STAP1: variants seen among roughly 807,000 people sequenced by gnomAD.
STAP1 encodes the protein signal-transducing adaptor protein 1.
In STAP1, 30 loss-of-function variants were observed where a neutral mutation model predicts 37.8. That is an observed-to-expected ratio of 0.79 (90% confidence interval 0.59 to 1.08). STAP1 has a LOEUF of 1.08. STAP1 is among the 50% of genes least tolerant of loss of function. The probability of loss-of-function intolerance (pLI) is 0.00; values close to 1 mark genes in which losing one functional copy is unlikely to be tolerated. For missense variants in STAP1, 357 were observed against 349.4 expected (o/e 1.02, Z -0.17); for synonymous variants, 130 against 116.0 (o/e 1.12, Z -0.78).
intron 2 of STAP1, among the ~76,000 whole-genome samples, chr4:67,574,505 G>T (rs1276395704): frequency 6.6e-6 from 1 of 152,110 alleles, no homozygotes; most frequent in Non-Finnish European, 1.5e-5. Context: ...TTAGATAATA[G>T]TTTTTGAATT....
intron 1 of STAP1, among the ~76,000 whole-genome samples, chr4:67,559,511 A>G (rs751870325): frequency 7.7e-4 from 117 of 152,140 alleles, no homozygotes; most frequent in Non-Finnish European, 1.3e-3. Context: ...GTGGGTATTA[A>G]GTACACTAAG....
chr4:67,589,514 A>G (rs1728076232), intron 6 of STAP1, among the ~76,000 whole-genome samples: 1 of 152,208 alleles, frequency 6.6e-6, no homozygotes, highest in Non-Finnish European at 1.5e-5. Flanking sequence ...TAAAAAAAGA[A>G]GGTAGAAAGA....
chr4:67,577,333 G>C, intron 4 of STAP1, 74 bp downstream of exon 4: 2 of 1,370,572 alleles, frequency 1.5e-6, no homozygotes, highest in Non-Finnish European at 1.0e-6. Flanking sequence ...TATGATCCAT[G>C]CAGAGTGAAA....
At chr4:67,573,342 G>T (rs1727646959) in intron 2 of STAP1, among the ~76,000 whole-genome samples, 1 of 152,216 alleles carries the variant, frequency 6.6e-6, no homozygotes, top group African/African-American at 2.4e-5. Flanking sequence ...TACCCTGGCA[G>T]AGATGCCATC....
chr4:67,577,908 G>A (rs145853815), intron 4 of STAP1, among the ~76,000 whole-genome samples: 34 of 152,068 alleles, frequency 2.2e-4, no homozygotes, highest in East Asian at 1.2e-3. Context: ...CTCGGCCTCC[G>A]AAAGTGCTGG....
At chr4:67,605,975 C>G (rs1186108410) in intron 8 of STAP1, among the ~76,000 whole-genome samples, 1 of 151,940 alleles carries the variant, frequency 6.6e-6, no homozygotes, top group Non-Finnish European at 1.5e-5. Context: ...CACCAGAAGA[C>G]AAGAGCAATA....
At chr4:67,582,891 ATGTAAG>A (rs1338327075) in intron 5 of STAP1, among the ~76,000 whole-genome samples, 1 of 152,320 alleles carries the variant, frequency 6.6e-6, no homozygotes, top group East Asian at 1.9e-4. Flanking sequence ...CAATAGGCTA[ATGTAAG>A]TGTTCTAAGC....
chr4:67,589,802 G>A (rs563950798), intron 6 of STAP1, among the ~76,000 whole-genome samples: 15 of 144,950 alleles, frequency 1.0e-4, no homozygotes, highest in Admixed American at 8.9e-4. Flanking sequence ...TGAGGTGGGG[G>A]ATCCTAATTT....
At chr4:67,568,709 C>G (rs931923376) in intron 1 of STAP1, among the ~76,000 whole-genome samples, 1 of 152,186 alleles carries the variant, frequency 6.6e-6, no homozygotes, top group East Asian at 1.9e-4. Context: ...CAATTTCTCA[C>G]ATTTTCTTGA....
rs1295883093 is a variant in STAP1 at position 67,566,357 on chromosome 4, A to C, written c.121-4727A>C. Among the ~76,000 whole-genome samples the C allele has an allele frequency of 2.0e-5, 3 of 152,192 alleles. No individual in the cohort carries two copies. In the East Asian group the frequency reaches 5.8e-4, roughly 29 times the overall value. Reference sequence around the variant, plus strand: ...TCACACAAATGAAGATCAGTTAGTTACTTTTATTATTGACAAATTATCAAT... The same window carrying C: ...TCACACAAATGAAGATCAGTTAGTTCCTTTTATTATTGACAAATTATCAAT... On this transcript the variant is annotated intron_variant, in intron 1 of 8. Coordinates refer to ENST00000265404, the MANE Select transcript of STAP1 (RefSeq NM_012108.4).
At chr4:67,567,585 C>T (rs772093374) in intron 1 of STAP1, among the ~76,000 whole-genome samples, 1 of 152,180 alleles carries the variant, frequency 6.6e-6, no homozygotes, top group Non-Finnish European at 1.5e-5. Flanking sequence ...ATTGAACTTA[C>T]AGCAAACAAT....
chr4:67,578,179 A>C (rs1727768007), intron 4 of STAP1, among the ~76,000 whole-genome samples: 1 of 152,188 alleles, frequency 6.6e-6, no homozygotes, highest in Admixed American at 6.5e-5. Flanking sequence ...TTGCAGTAAG[A>C]TAATGTCCAT....
chr4:67,565,712 G>GTAAA (rs1727450928), intron 1 of STAP1, among the ~76,000 whole-genome samples: 1 of 151,998 alleles, frequency 6.6e-6, no homozygotes, highest in Admixed American at 6.6e-5. Flanking sequence ...GTGGTGTTGT[G>GTAAA]TTTATGGGGT....
At chr4:67,565,865 T>A (rs1249817432) in intron 1 of STAP1, among the ~76,000 whole-genome samples, 1 of 150,442 alleles carries the variant, frequency 6.6e-6, no homozygotes, top group Non-Finnish European at 1.5e-5. Flanking sequence ...TTCCACAACA[T>A]TTTCATAATT....
At chr4:67,584,289 G>A (rs900270833) in intron 6 of STAP1, among the ~76,000 whole-genome samples, 6 of 152,042 alleles carry the variant, frequency 3.9e-5, no homozygotes, top group South Asian at 2.1e-4. Flanking sequence ...TATATGCCAA[G>A]CAATACTCTA....
intron 8 of STAP1, 88 bp from the exon 9 acceptor site, chr4:67,606,208 G>A (rs1728445906): frequency 2.9e-6 from 3 of 1,032,676 alleles, no homozygotes; most frequent in African/African-American, 1.6e-5. Flanking sequence ...CCACACACGA[G>A]CAGGAAAATC....
chr4:67,575,199 G>C (rs561252333), intron 2 of STAP1, among the ~76,000 whole-genome samples, 186 bp from the exon 3 acceptor site: 1 of 152,256 alleles, frequency 6.6e-6, no homozygotes, highest in South Asian at 2.1e-4. Flanking sequence ...TTGCAAACCT[G>C]TGTGAGCCAG....
Position 67,581,476 on chromosome 4 carries a change from G to A in STAP1, c.530+5G>A. On this transcript the variant is annotated splice_donor_5th_base_variant and intron_variant, in intron 5 of 8. Coordinates refer to ENST00000265404, the MANE Select transcript of STAP1 (RefSeq NM_012108.4). ...TGTACTGAACCCTATGCCAGCGTAAGTGCACAATGAACTGCAGTTTATTCA... is the reference window on the plus strand; with the variant it reads ...TGTACTGAACCCTATGCCAGCGTAAATGCACAATGAACTGCAGTTTATTCA... 6.3e-7 allele frequency: 1 copy of A among 1,599,740 alleles called. No homozygotes were observed. The highest frequency in any genetic ancestry group is 8.5e-7 in the Non-Finnish European group (1 of 1,174,400).
intron 1 of STAP1, among the ~76,000 whole-genome samples, chr4:67,560,967 G>C (rs1727325145): frequency 6.6e-6 from 1 of 152,158 alleles, no homozygotes; most frequent in Admixed American, 6.5e-5. Flanking sequence ...CCTTTTACTT[G>C]TATGTCAGGG....
Sources: allele counts gnomAD v4.1 joint callset (sites outside exome capture counted in the v4.1 genomes callset), GRCh38; gene constraint gnomAD v4.1.1; transcripts MANE v1.5; gene names NCBI Gene and HGNC (gene_info 2026-07-23, HGNC 2026-07-21).